Variants in KLHL25 observed in about 807,000 individuals in gnomAD.
KLHL25 encodes kelch like family member 25.
KLHL25 carries 41 observed loss-of-function variants against 30.0 expected under a neutral mutation model. That is an observed-to-expected ratio of 1.37 (90% CI 1.07 to 1.78). The LOEUF is 1.78. Among genes scored for constraint, KLHL25 ranks in the 40% most tolerant of loss-of-function variants. KLHL25 has a pLI of 0.00. For synonymous variants in KLHL25, 399 were observed against 355.3 expected, an observed-to-expected ratio of 1.12 and a Z score of -1.38; for missense variants, 971 against 824.5, an observed-to-expected ratio of 1.18 and a Z score of -2.18.
At chr15:85,788,225 C>T (rs979162175) in intron 1 of KLHL25, among the ~76,000 whole-genome samples, 3 of 152,200 alleles carry the variant, frequency 2.0e-5, no homozygotes, top group Non-Finnish European at 4.4e-5. Flanking sequence ...CTGTCCGCAG[C>T]CCACGCAGGC....
intron 1 of KLHL25, among the ~76,000 whole-genome samples, chr15:85,792,591 G>A (rs1168200753): frequency 1.3e-5 from 2 of 152,140 alleles, no homozygotes; most frequent in Admixed American, 6.5e-5. Context: ...CTACAAATGC[G>A]CTGGACTGCT....
chr15:85,794,625 C>G (rs879420054), intron 1 of KLHL25, 141 bp downstream of exon 1: 1 of 152,110 alleles, frequency 6.6e-6, no homozygotes, highest in Non-Finnish European at 1.5e-5. Context: ...CCGCGGGGCC[C>G]CCTCCCGGGA....
Position 85,769,193 on chromosome 15 carries a change from G to A in KLHL25, c.618C>T (p.Asp206=), listed in dbSNP as rs758589395. 220 of 1,613,470 alleles carry A rather than the reference G, an allele frequency of 1.4e-4. No homozygotes were observed. Among genetic ancestry groups the A allele is most frequent in the Non-Finnish European group, 1.7e-4 (205 of 1,180,020 alleles). The part of the protein sequence containing the change: ...LISSDELETE[D]ERVVFEAILQ... Reference sequence around the variant, plus strand: ...GGATGGCCTCGAAGACCACCCGCTCGTCCTCGGTCTCCAGCTCATCACTCG... The same window carrying A: ...GGATGGCCTCGAAGACCACCCGCTCATCCTCGGTCTCCAGCTCATCACTCG... The change falls in exon 2 of 3, where the codon GAC becomes GAT. Residue 206 remains aspartate, a synonymous_variant. Coordinates refer to ENST00000337975, the MANE Select transcript of KLHL25 (RefSeq NM_022480.4).
chr15:85,769,629 C>A lies in KLHL25; in HGVS notation c.182G>T (p.Arg61Leu). Residue 61 changes from arginine to leucine, a missense_variant, in exon 2 of 3, where the codon CGT becomes CTT. Physicochemically the swap from Arg to Leu is moderately radical, Grantham distance 102. Transcript: ENST00000337975. ...WAGDRAFPCH[R>L]AVLAASSRYF... ...GCGGCTAGAGGCGGCCAGCACGGCACGGTGACAGGGGAAGGCACGGTCGCC... is the reference window on the plus strand; with the variant it reads ...GCGGCTAGAGGCGGCCAGCACGGCAAGGTGACAGGGGAAGGCACGGTCGCC... 1 of 1,613,272 alleles carries A rather than the reference C, an allele frequency of 6.2e-7. No individual in the cohort carries two copies. The highest frequency in any genetic ancestry group is 8.5e-7 in the Non-Finnish European group (1 of 1,180,036).
Position 85,768,599 on chromosome 15 carries a change from CG to C in KLHL25, c.1211del (p.Pro404ArgfsTer8), listed in dbSNP as rs771552614. On this transcript the variant is annotated frameshift_variant, in exon 2 of 3. Transcript: ENST00000337975. LOFTEE classifies it high-confidence loss of function. ...GGHTSLAGVF[P>X]ASPSVSLKQV... is the part of the protein sequence containing the mutation. ...GTTTCAGGGAGACAGAAGGCGAGGC[CG>C]GGAAGACCCCTGCCAGGGATGTGTG... 7.5e-6 allele frequency: 12 copies of C among 1,610,522 alleles called. 1 individual carries two copies. The South Asian group carries it at 1.3e-4, about 18-fold the overall frequency.
At chr15:85,770,990 A>G (rs1459794732) in intron 1 of KLHL25, 1 of 208,588 alleles carries the variant, frequency 4.8e-6, no homozygotes, top group Non-Finnish European at 9.8e-6. Flanking sequence ...ACCTAGAGAA[A>G]ACATGGCCAA....
chr15:85,764,558 T>G (rs2089606145), intron 2 of KLHL25: 1 of 152,358 alleles, frequency 6.6e-6, no homozygotes, highest in Non-Finnish European at 1.5e-5. Context: ...CTCAGTCTTG[T>G]GTGTCCGCTT....
intron 1 of KLHL25, chr15:85,770,403 C>G: frequency 2.1e-6 from 1 of 484,108 alleles, no homozygotes; most frequent in Middle Eastern, 3.6e-4. Context: ...CCAAGCAGAG[C>G]CTCACGTACC....
chr15:85,764,183 G>C (rs995883656), intron 2 of KLHL25: 2 of 152,306 alleles, frequency 1.3e-5, no homozygotes, highest in Non-Finnish European at 2.9e-5. Context: ...CTGGGCTGCA[G>C]GCCCTTCTAT....
chr15:85,794,336 C>A (rs2089837197), intron 1 of KLHL25, among the ~76,000 whole-genome samples: 1 of 152,236 alleles, frequency 6.6e-6, no homozygotes, highest in African/African-American at 2.4e-5. Flanking sequence ...GGCAGGCAGC[C>A]ATCCGGCCTG....
chr15:85,760,470 T>C lies in KLHL25; in HGVS notation c.*566A>G, dbSNP rs1312819164. ...GGTGTCCTTTGCTAATAAGGCCTCA[T>C]GGATGTCACTGAGGCCCCCCTGCAG... On this transcript the variant is annotated 3_prime_UTR_variant, in exon 3 of 3. Transcript: ENST00000337975. 6.6e-6 allele frequency: 1 copy of C among 152,168 alleles called. No homozygotes were observed. Among genetic ancestry groups the C allele is most frequent in the East Asian group, 1.9e-4 (1 of 5,178 alleles). The allele number at this position is 152,168 out of a possible 1,614,324, so 9.4% of individuals were successfully genotyped here.
chr15:85,769,572 C>G lies in KLHL25; in HGVS notation c.239G>C (p.Arg80Pro), dbSNP rs140968151. ...GTTGACAGTGTCATCCCGGCTCTCC[C>G]GAAGGCCATGGCTGAACATGGCCTC... ...YFEAMFSHGLRESRDDTVNFQ... is the reference protein window; with the variant it reads ...YFEAMFSHGLPESRDDTVNFQ... The change falls in exon 2 of 3, where the codon CGG becomes CCG. Residue 80 changes from arginine to proline, a missense_variant. By Grantham distance (103) the Arg-to-Pro change is moderately radical (BLOSUM62 -2). Transcript: ENST00000337975. The G allele has an allele frequency of 6.2e-7, 1 of 1,613,764 alleles. No homozygotes were observed. Among genetic ancestry groups the G allele is most frequent in the Non-Finnish European group, 8.5e-7 (1 of 1,180,028 alleles).
rs1020908103 is a variant in KLHL25 at position 85,789,932 on chromosome 15, G to A, written c.-11+4834C>T. Among the ~76,000 whole-genome samples the A allele has an allele frequency of 2.6e-5, 4 of 152,144 alleles. No homozygotes were observed. Among genetic ancestry groups the A allele is most frequent in the African/African-American group, 9.7e-5 (4 of 41,424 alleles). On this transcript the variant is annotated intron_variant, in intron 1 of 2. Coordinates refer to ENST00000337975, the MANE Select transcript of KLHL25 (RefSeq NM_022480.4). This position sits in a 1 kb window ranked among gnomAD's most constrained non-coding sequence, Gnocchi z 4.1. ...ACAGCCCCGTCCCTTTGGAGTTACT[G>A]GGAAAATCTGAATCGAGTCTTCAGG...
chr15:85,766,259 T>C (rs16944102), intron 2 of KLHL25, among the ~76,000 whole-genome samples: 31,522 of 152,146 alleles, frequency 0.21, 3,379 homozygotes, highest in East Asian at 0.36. Context: ...GGACAGCTCA[T>C]CTTCCACAGT....
chr15:85,766,014 G>C (rs556841905), intron 2 of KLHL25, among the ~76,000 whole-genome samples: 2 of 152,286 alleles, frequency 1.3e-5, no homozygotes, highest in Admixed American at 1.3e-4. Flanking sequence ...ATCTGAGTTA[G>C]AGGCTGAGCC....
chr15:85,767,376 A>G (rs1338886476), intron 2 of KLHL25, among the ~76,000 whole-genome samples: 5 of 152,022 alleles, frequency 3.3e-5, no homozygotes, highest in Admixed American at 1.3e-4. Flanking sequence ...CTGGGATTAT[A>G]GGCATGAGCC....
rs34037174 is a variant in KLHL25, at chr15:85,789,156, C to CTT, written c.-11+5608_-11+5609dup. Among the ~76,000 whole-genome samples, 30,096 of 152,218 alleles carry CTT rather than the reference C, an allele frequency of 0.2. 3,122 individuals are homozygous for CTT. The highest frequency in any genetic ancestry group is 0.3 in the Middle Eastern group (89 of 294). On this transcript the variant is annotated intron_variant, in intron 1 of 2. Coordinates refer to ENST00000337975, the MANE Select transcript of KLHL25 (RefSeq NM_022480.4). The surrounding 1 kb of genome is among the most constrained non-coding windows in gnomAD (Gnocchi z 4.1). ...TAAGCAAGGCTTTTTTGTCTCCATC[C>CTT]TTTCCCTGCATCCTACTCCTCACCA...
intron 1 of KLHL25, among the ~76,000 whole-genome samples, chr15:85,771,433 T>C (rs533054289): frequency 1.2e-4 from 19 of 152,284 alleles, no homozygotes; most frequent in African/African-American, 4.3e-4. Context: ...CTGGTAAAGG[T>C]AGGAAACGAT....
At chr15:85,788,646 C>T (rs1223448045) in intron 1 of KLHL25, among the ~76,000 whole-genome samples, 2 of 152,138 alleles carry the variant, frequency 1.3e-5, no homozygotes, top group Non-Finnish European at 2.9e-5. Flanking sequence ...TGTGCCATAC[C>T]CGCCTGTCTG....
Sources: gnomAD v4.1 joint callset for allele counts (sites outside exome capture counted in the v4.1 genomes callset) on GRCh38, gnomAD v4.1.1 for gene constraint, Gnocchi (gnomAD v3.1) non-coding constraint, MANE v1.5 for transcripts, NCBI Gene and HGNC (gene_info 2026-07-23, HGNC 2026-07-21) for gene names.